SEMA3C: variants seen among roughly 807,000 people sequenced by gnomAD.
SEMA3C encodes semaphorin-3C.
A neutral mutation model predicts 89.4 loss-of-function variants in SEMA3C; 47 were observed. The observed-to-expected ratio is 0.53, with a 90% CI of 0.42 to 0.67. The LOEUF (loss-of-function observed/expected upper bound fraction) is 0.67. SEMA3C is among the 30% of genes least tolerant of loss of function. The probability of loss-of-function intolerance (pLI) is 0.00; values close to 1 mark genes in which losing one functional copy is unlikely to be tolerated. For synonymous variants in SEMA3C, 310 were observed against 320.2 expected (o/e 0.97, Z 0.34); for missense variants, 839 against 929.1 (o/e 0.90, Z 1.26).
chr7:80,893,295 T>C (rs779730644), intron 2 of SEMA3C, among the ~76,000 whole-genome samples: 3 of 152,126 alleles, frequency 2.0e-5, no homozygotes, highest in Non-Finnish European at 4.4e-5. Context: ...ACCATCAACA[T>C]TGTTCAAATC....
At chr7:80,872,197 C>T (rs1280910079) in intron 2 of SEMA3C, among the ~76,000 whole-genome samples, 2 of 152,144 alleles carry the variant, frequency 1.3e-5, no homozygotes, top group African/African-American at 4.8e-5. Flanking sequence ...GTCACCCAGG[C>T]TGGAGTGCAG....
intron 2 of SEMA3C, among the ~76,000 whole-genome samples, chr7:80,839,253 G>A (rs557038395): frequency 8.5e-5 from 13 of 152,284 alleles, no homozygotes; most frequent in Admixed American, 5.9e-4. Context: ...CAGTTTCAGA[G>A]TGTCCACTTG....
chr7:80,864,107 C>T lies in SEMA3C; in HGVS notation c.104-35362G>A, dbSNP rs549322822. On this transcript the variant is annotated intron_variant, in intron 2 of 17. Transcript: ENST00000265361. ...AGCATTGGCAGCAACCTGGATGAGA[C>T]TGGAGACTACTATTCTAAGTGAAGT... Among the ~76,000 whole-genome samples, 40 of 151,960 alleles carry T rather than the reference C, an allele frequency of 2.6e-4. No individual in the cohort carries two copies. The Middle Eastern group carries it at 0.01, about 39-fold the overall frequency.
intron 4 of SEMA3C, among the ~76,000 whole-genome samples, chr7:80,826,602 C>A (rs1031019135): frequency 6.6e-6 from 1 of 151,992 alleles, no homozygotes; most frequent in Non-Finnish European, 1.5e-5. Context: ...ATTTATTGAG[C>A]AAATAATGGA....
chr7:80,921,103 T>G (rs560667287), upstream of SEMA3C, among the ~76,000 whole-genome samples: 1 of 152,338 alleles, frequency 6.6e-6, no homozygotes, highest in South Asian at 2.1e-4. Context: ...AGGAGCTTAA[T>G]TCCAAACTCA....
At chr7:80,913,816 T>C (rs903809522) in intron 2 of SEMA3C, among the ~76,000 whole-genome samples, 1 of 152,192 alleles carries the variant, frequency 6.6e-6, no homozygotes, top group Non-Finnish European at 1.5e-5. Context: ...TAAATCACTG[T>C]TTTACAAATG....
At chr7:80,866,205 C>G (rs1322969268) in intron 2 of SEMA3C, among the ~76,000 whole-genome samples, 2 of 152,024 alleles carry the variant, frequency 1.3e-5, no homozygotes, top group African/African-American at 2.4e-5. Context: ...GAAACTGATT[C>G]TCAGGGAAGT....
At chr7:80,849,290 C>T (rs1790457468) in intron 2 of SEMA3C, among the ~76,000 whole-genome samples, 1 of 151,116 alleles carries the variant, frequency 6.6e-6, no homozygotes, top group African/African-American at 2.4e-5. Context: ...AGTAGCAACA[C>T]TAAGTTTTAG....
At chr7:80,815,424 GA>G in intron 5 of SEMA3C, among the ~76,000 whole-genome samples, 1 of 151,930 alleles carries the variant, frequency 6.6e-6, no homozygotes, top group South Asian at 2.1e-4. Flanking sequence ...ACAAAAGCTG[GA>G]AATTCAGCCT....
chr7:80,916,598 C>G (rs1792280112), intron 2 of SEMA3C, 81 bp downstream of exon 2: 2 of 1,279,312 alleles, frequency 1.6e-6, no homozygotes, highest in Non-Finnish European at 2.1e-6. Context: ...AATATTTATA[C>G]TCTTAATTTC....
intron 2 of SEMA3C, among the ~76,000 whole-genome samples, chr7:80,906,752 T>C (rs1274311320): frequency 2.0e-5 from 3 of 151,602 alleles, no homozygotes; most frequent in Non-Finnish European, 2.9e-5. Context: ...GCAGACAAGC[T>C]GTTGAAAATA....
intron 2 of SEMA3C, among the ~76,000 whole-genome samples, chr7:80,869,313 T>A (rs903345257): frequency 6.6e-6 from 1 of 152,204 alleles, no homozygotes; most frequent in African/African-American, 2.4e-5. Flanking sequence ...AAAATCAGCA[T>A]CTCATTACAA....
intron 15 of SEMA3C, among the ~76,000 whole-genome samples, chr7:80,751,712 T>C (rs1219924739): frequency 6.6e-6 from 1 of 152,208 alleles, no homozygotes. Context: ...ATAAACTCCG[T>C]AGCATTTTCC....
At chr7:80,785,151 G>C (rs1788773731) in intron 12 of SEMA3C, among the ~76,000 whole-genome samples, 1 of 152,134 alleles carries the variant, frequency 6.6e-6, no homozygotes, top group African/African-American at 2.4e-5. Context: ...AATTCAGCCA[G>C]AGTTGTACAC....
chr7:80,817,785 C>T (rs2115757001), intron 5 of SEMA3C, among the ~76,000 whole-genome samples: 1 of 152,170 alleles, frequency 6.6e-6, no homozygotes, highest in South Asian at 2.1e-4. Flanking sequence ...TCAGCAGACA[C>T]TTGGCATCCC....
At chr7:80,876,706 T>C (rs1320723759) in intron 2 of SEMA3C, among the ~76,000 whole-genome samples, 1 of 152,266 alleles carries the variant, frequency 6.6e-6, no homozygotes, top group East Asian at 1.9e-4. Flanking sequence ...AATCATTAAA[T>C]AGTTGCCTCT....
chr7:80,862,856 T>C (rs1231106887), intron 2 of SEMA3C, among the ~76,000 whole-genome samples: 3 of 152,214 alleles, frequency 2.0e-5, no homozygotes, highest in East Asian at 1.9e-4. Context: ...GACATCCTTT[T>C]CAACAAATGG....
chr7:80,919,823 T>C (rs1792375247), upstream of SEMA3C, among the ~76,000 whole-genome samples: 1 of 152,170 alleles, frequency 6.6e-6, no homozygotes, highest in South Asian at 2.1e-4. Context: ...TCCGCCCGCC[T>C]CAGCCGCCCA....
At chr7:80,882,120 C>T (rs1429881074) in intron 2 of SEMA3C, among the ~76,000 whole-genome samples, 4 of 152,152 alleles carry the variant, frequency 2.6e-5, no homozygotes. Context: ...TATAAAAGAA[C>T]TACAATCACA....
Sources: gnomAD v4.1 joint callset for allele counts (sites outside exome capture counted in the v4.1 genomes callset) on GRCh38, gnomAD v4.1.1 for gene constraint, MANE v1.5 for transcripts, NCBI Gene and HGNC (gene_info 2026-07-23, HGNC 2026-07-21) for gene names.